Variants in TG observed in about 807,000 individuals in gnomAD.
TG encodes the protein thyroid hormones.
A neutral mutation model predicts 324.7 loss-of-function variants in TG; 270 were observed. The observed-to-expected ratio is 0.83, with a 90% confidence interval of 0.75 to 0.92. TG has a LOEUF of 0.92. TG is among the 40% of genes least tolerant of loss of function. TG has a pLI of 0.00. For synonymous variants in TG, 1,401 were observed against 1,327.0 expected (o/e 1.06, Z -1.21); for missense variants, 3,591 against 3,456.4 (o/e 1.04, Z -0.98).
chr8:132,910,766 A>C (rs1819401548), intron 18 of TG, among the ~76,000 whole-genome samples: 1 of 152,228 alleles, frequency 6.6e-6, no homozygotes, highest in Non-Finnish European at 1.5e-5. Context: ...GGTATTTCGT[A>C]ATGTTCATCC....
At chr8:133,116,588 C>T in intron 44 of TG, 21 bp from the exon 45 acceptor site, 1 of 1,604,726 alleles carries the variant, frequency 6.2e-7, no homozygotes, top group Middle Eastern at 1.7e-4. Flanking sequence ...CCAGACTCCC[C>T]CCATGTTCTC....
At chr8:133,096,597 G>A (rs200312393) in intron 43 of TG, among the ~76,000 whole-genome samples, 4 of 152,258 alleles carry the variant, frequency 2.6e-5, no homozygotes, top group African/African-American at 4.8e-5. Flanking sequence ...TGAATGAATC[G>A]CTGTGGAAAA....
rs1217165273 is a variant in TG at position 132,908,348 on chromosome 8, C to T, written c.4002+8C>T. 6.5e-7 allele frequency: 1 copy of T among 1,530,382 alleles called. No individual in the cohort carries two copies. 94.8% of individuals were successfully genotyped at this position (1,530,382 alleles called of 1,614,324 possible). A position where few individuals can be genotyped will look rare whatever the true frequency, so the allele number is the denominator to read the frequency against. On this transcript the variant is annotated splice_region_variant and intron_variant, in intron 18 of 47. Transcript: ENST00000220616. The stretch of plus-strand genomic sequence containing the variant: ...GGCTTCTGCCAGATCCAGGTACATG[C>T]CTGGCCTTCCCCACAGTGAGGGCTT...
chr8:132,894,568 C>G lies in TG; in HGVS notation c.3001+639C>G, dbSNP rs1488737284. ...CGAACTCCTGGGCTCAAGCAATCCT[C>G]CCACCTCAGCCACCTGAGTAGCTGG... is the stretch of plus-strand genomic sequence containing the variant. On this transcript the variant is annotated intron_variant, in intron 11 of 47. Transcript: ENST00000220616. 2.9e-4 allele frequency among the ~76,000 whole-genome samples: 44 copies of G among 152,028 alleles called. 1 individual carries two copies. The highest frequency in any genetic ancestry group is 4.4e-5 in the Non-Finnish European group (3 of 68,016).
At chr8:133,088,902 T>C (rs1233793596) in intron 41 of TG, among the ~76,000 whole-genome samples, 1 of 149,578 alleles carries the variant, frequency 6.7e-6, no homozygotes, top group Non-Finnish European at 1.5e-5. Flanking sequence ...GATTTTAGTG[T>C]AGAAAACATG....
chr8:132,927,960 A>G (rs1241602607), intron 22 of TG, among the ~76,000 whole-genome samples: 1 of 152,234 alleles, frequency 6.6e-6, no homozygotes, highest in Non-Finnish European at 1.5e-5. Flanking sequence ...TGGCAACTTC[A>G]GCAATTAACA....
At chr8:133,033,376 G>T (rs144107267) in intron 41 of TG, among the ~76,000 whole-genome samples, 1 of 152,174 alleles carries the variant, frequency 6.6e-6, no homozygotes, top group Non-Finnish European at 1.5e-5. Flanking sequence ...AGGATGACTT[G>T]TTGCAAACAT....
intron 41 of TG, among the ~76,000 whole-genome samples, chr8:133,077,612 G>C (rs747255568): frequency 6.6e-5 from 10 of 152,220 alleles, no homozygotes; most frequent in Non-Finnish European, 1.3e-4. Flanking sequence ...AGACGGCAGG[G>C]CTGAAGCCCG....
intron 43 of TG, among the ~76,000 whole-genome samples, chr8:133,106,028 T>C (rs779893813): frequency 5.9e-5 from 9 of 151,578 alleles, no homozygotes; most frequent in Non-Finnish European, 1.2e-4. Context: ...ATGAAGCAGA[T>C]GGAGGAGACC....
intron 39 of TG, among the ~76,000 whole-genome samples, chr8:133,021,657 A>T (rs1835575438): frequency 6.6e-6 from 1 of 152,106 alleles, no homozygotes; most frequent in Admixed American, 6.5e-5. Context: ...TGGCTTGTAG[A>T]TGTTCCTTTT....
chr8:132,958,488 G>C (rs1479039840), intron 27 of TG, among the ~76,000 whole-genome samples: 3 of 152,168 alleles, frequency 2.0e-5, no homozygotes, highest in Non-Finnish European at 2.9e-5. Flanking sequence ...GGGAGGCCAA[G>C]GTAGGTGGAT....
intron 36 of TG, 34 bp from the exon 37 acceptor site, chr8:133,013,566 G>T (rs780245377): frequency 2.2e-5 from 36 of 1,613,330 alleles, no homozygotes; most frequent in Non-Finnish European, 2.9e-5. Context: ...CATCTCTGAG[G>T]CCCAAGCATC....
At chr8:132,889,901 T>G (rs897410814) in intron 10 of TG, among the ~76,000 whole-genome samples, 16 of 152,142 alleles carry the variant, frequency 1.1e-4, no homozygotes, top group Non-Finnish European at 1.8e-4. Context: ...CTCAGTCTCT[T>G]AAGTAACTGG....
intron 27 of TG, among the ~76,000 whole-genome samples, chr8:132,958,958 C>T (rs970082824): frequency 6.6e-6 from 1 of 152,152 alleles, no homozygotes; most frequent in Non-Finnish European, 1.5e-5. Context: ...GTCTACATCT[C>T]TCAGATGCCA....
chr8:133,128,448 A>G (rs1231556655), intron 45 of TG, among the ~76,000 whole-genome samples: 2 of 151,982 alleles, frequency 1.3e-5, no homozygotes, highest in African/African-American at 4.8e-5. Context: ...AAGTTTATCA[A>G]CTTCAGCAAC....
rs1002030132 is a variant in TG at position 132,887,845 on chromosome 8, T to C, written c.2177-139T>C. On this transcript the variant is annotated intron_variant, in intron 9 of 47. Coordinates refer to ENST00000220616, the MANE Select transcript of TG (RefSeq NM_003235.5). ...GGGGCAATGCCTATCTAGATATTAT[T>C]TACAAATTTAAGCTTCATGGTATTT... 3 of 888,046 alleles carry C rather than the reference T, an allele frequency of 3.4e-6. No homozygotes were observed. In the African/African-American group the frequency reaches 5.0e-5, roughly 15 times the overall value. 55.0% of individuals were successfully genotyped at this position (888,046 alleles called of 1,614,324 possible).
chr8:132,922,626 G>A (rs1563958833), intron 21 of TG, among the ~76,000 whole-genome samples: 1 of 152,140 alleles, frequency 6.6e-6, no homozygotes, highest in East Asian at 1.9e-4. Context: ...CCATAAACTG[G>A]GTGGCTTATA....
intron 41 of TG, among the ~76,000 whole-genome samples, chr8:133,087,071 TACACACACACACACACACAC>T (rs56028043): frequency 0.01 from 1,442 of 143,052 alleles, 19 homozygotes; most frequent in African/African-American, 0.026. Context: ...AATATATGTT[TACACACACACACACACACAC>T]ACACACACAC....
At chr8:133,017,328 A>G (rs1042548862) in intron 37 of TG, among the ~76,000 whole-genome samples, 1 of 151,748 alleles carries the variant, frequency 6.6e-6, no homozygotes, top group African/African-American at 2.4e-5. Context: ...GGGTGGCTGA[A>G]GAAATTCTAT....
Sources: gnomAD v4.1 joint callset for allele counts (sites outside exome capture counted in the v4.1 genomes callset) on GRCh38, gnomAD v4.1.1 for gene constraint, MANE v1.5 for transcripts, NCBI Gene and HGNC (gene_info 2026-07-23, HGNC 2026-07-21) for gene names.